The following NELL2 variants were observed in gnomAD, a reference collection of about 807,000 sequenced individuals.
The protein encoded by NELL2 is neural EGFL like 2.
In NELL2, 41 loss-of-function variants were observed where a neutral mutation model predicts 109.6. The observed-to-expected ratio is 0.37, with a 90% CI of 0.29 to 0.49. The LOEUF is 0.49. Among genes scored for constraint, NELL2 ranks in the 20% least tolerant of loss-of-function variants. NELL2 has a pLI of 0.98. For synonymous variants in NELL2, 355 were observed against 344.7 expected, an observed-to-expected ratio of 1.03 and a Z score of -0.33; for missense variants, 900 against 1,008.3, an observed-to-expected ratio of 0.89 and a Z score of 1.45.
In NELL2 at chr12:44,776,113, T is replaced by C. The variant is rs149040027; in HGVS notation, c.800A>G (p.Gln267Arg). 19 of 1,613,952 alleles carry C rather than the reference T, an allele frequency of 1.2e-5. No homozygotes were observed. Among genetic ancestry groups the C allele is most frequent in the Middle Eastern group, 1.6e-4 (1 of 6,084 alleles). The change falls in exon 8 of 20, where the codon CAG becomes CGG. Residue 267 changes from glutamine to arginine, a missense_variant. Gln to Arg is a conservative substitution (Grantham distance 43). This residue lies in a region of NELL2 where 292 missense variants were observed against 265.3 expected (regional missense o/e 1.10). Transcript: ENST00000429094. ...RAEQRMNRLD[Q>R]CYCERTCTMK... The stretch of plus-strand genomic sequence containing the variant: ...GGTGCAAGTCCTTTCACAATAGCAC[T>C]GATCCAATCTATTCATTCGCTGTTC...
intron 12 of NELL2, among the ~76,000 whole-genome samples, chr12:44,692,179 A>G (rs566726233): frequency 1.3e-5 from 2 of 152,188 alleles, no homozygotes; most frequent in Non-Finnish European, 2.9e-5. Flanking sequence ...GGTGACGTTA[A>G]GTTGAAGCCA....
chr12:44,669,092 C>T (rs1224693837), intron 12 of NELL2, among the ~76,000 whole-genome samples: 1 of 152,202 alleles, frequency 6.6e-6, no homozygotes, highest in African/African-American at 2.4e-5. Context: ...CCTCCACTAA[C>T]AATCACAGCT....
intron 15 of NELL2, among the ~76,000 whole-genome samples, chr12:44,535,304 A>G (rs1350995693): frequency 2.0e-5 from 3 of 151,988 alleles, no homozygotes; most frequent in Non-Finnish European, 4.4e-5. Flanking sequence ...TTGAAATTGT[A>G]TTTAATACTC....
intron 15 of NELL2, among the ~76,000 whole-genome samples, chr12:44,599,696 G>A (rs139784842): frequency 4.7e-4 from 71 of 152,240 alleles, no homozygotes; most frequent in African/African-American, 1.6e-3. Context: ...AACGATGAAA[G>A]CGGTTAACTC....
rs567362460 is a variant in NELL2 at position 44,557,396 on chromosome 12, T to C, written c.1664-24675A>G. 1.1e-4 allele frequency among the ~76,000 whole-genome samples: 17 copies of C among 152,130 alleles called. No individual in the cohort carries two copies. The South Asian group carries it at 2.9e-3, about 26-fold the overall frequency. On this transcript the variant is annotated intron_variant, in intron 15 of 19. Transcript: ENST00000429094. ...GGGTAGAGACGGGGCAGTAACAGGATTTGGAGGTAAAGTTGAAGGGGAGAT... is the reference window on the plus strand; with the variant it reads ...GGGTAGAGACGGGGCAGTAACAGGACTTGGAGGTAAAGTTGAAGGGGAGAT...
At chr12:44,759,303 A>G (rs779130029) in intron 9 of NELL2, among the ~76,000 whole-genome samples, 2 of 152,174 alleles carry the variant, frequency 1.3e-5, no homozygotes, top group Non-Finnish European at 2.9e-5. Flanking sequence ...CATCACCTGT[A>G]CTGGCCTTGT....
intron 16 of NELL2, among the ~76,000 whole-genome samples, chr12:44,531,167 A>G (rs1942036255): frequency 6.6e-6 from 1 of 152,210 alleles, no homozygotes; most frequent in African/African-American, 2.4e-5. Context: ...TGAGTGGAAA[A>G]GATGGGGAAA....
chr12:44,775,001 C>G, intron 8 of NELL2, 152 bp from the exon 9 acceptor site: 1 of 600,600 alleles, frequency 1.7e-6, no homozygotes. Context: ...CTGACAATCA[C>G]CACAAGGAGG....
intron 9 of NELL2, among the ~76,000 whole-genome samples, chr12:44,754,595 T>C (rs1331280877): frequency 1.3e-5 from 2 of 152,172 alleles, no homozygotes; most frequent in African/African-American, 4.8e-5. Flanking sequence ...ATGCCAGGGA[T>C]TCCTAGAAGC....
At chr12:44,709,343 A>G (rs913763202) in intron 11 of NELL2, among the ~76,000 whole-genome samples, 3 of 152,098 alleles carry the variant, frequency 2.0e-5, no homozygotes, top group African/African-American at 4.8e-5. Flanking sequence ...TGCTGGAGAG[A>G]CCATAGGAAG....
chr12:44,711,206 T>A (rs1938178596), intron 11 of NELL2, 86 bp downstream of exon 11: 2 of 967,596 alleles, frequency 2.1e-6, no homozygotes, highest in East Asian at 5.0e-5. Flanking sequence ...AATAATTTGC[T>A]TATGAGAATT....
chr12:44,734,658 G>A (rs1023032648), intron 9 of NELL2, among the ~76,000 whole-genome samples: 1 of 151,728 alleles, frequency 6.6e-6, no homozygotes, highest in African/African-American at 2.4e-5. Flanking sequence ...ATTAAGTTTA[G>A]TCAATAACTT....
chr12:44,622,322 C>T (rs985455452), intron 13 of NELL2, among the ~76,000 whole-genome samples: 1 of 152,020 alleles, frequency 6.6e-6, no homozygotes, highest in African/African-American at 2.4e-5. Context: ...GTCAGTGCTG[C>T]CCCTAAATTT....
chr12:44,916,835 G>A (rs1945832647), upstream of NELL2, among the ~76,000 whole-genome samples: 1 of 152,086 alleles, frequency 6.6e-6, no homozygotes, highest in African/African-American at 2.4e-5. Context: ...CATTCTCAAA[G>A]TCCTTCTATA....
chr12:44,678,998 T>C (rs1948409290), intron 12 of NELL2, among the ~76,000 whole-genome samples: 1 of 151,896 alleles, frequency 6.6e-6, no homozygotes, highest in South Asian at 2.1e-4. Flanking sequence ...CTAGAAGGGA[T>C]GTAGAGTTAA....
chr12:44,621,356 G>A (rs916143661), intron 13 of NELL2, among the ~76,000 whole-genome samples: 1 of 152,098 alleles, frequency 6.6e-6, no homozygotes, highest in Non-Finnish European at 1.5e-5. Context: ...TAGGTGAAAG[G>A]ACTTTGGAGT....
intron 3 of NELL2, among the ~76,000 whole-genome samples, chr12:44,801,225 A>C (rs994942990): frequency 1.3e-5 from 2 of 152,190 alleles, no homozygotes; most frequent in African/African-American, 4.8e-5. Flanking sequence ...TTACCCAATA[A>C]TGTAGACCAT....
intron 15 of NELL2, among the ~76,000 whole-genome samples, chr12:44,557,458 C>A (rs1356721671): frequency 6.6e-6 from 1 of 152,050 alleles, no homozygotes; most frequent in Non-Finnish European, 1.5e-5. Flanking sequence ...AGGAAGAACA[C>A]TGAAGAGGAC....
chr12:44,721,563 C>T (rs1211743762), intron 9 of NELL2, among the ~76,000 whole-genome samples: 1 of 152,110 alleles, frequency 6.6e-6, no homozygotes, highest in African/African-American at 2.4e-5. Flanking sequence ...TTACCACCAA[C>T]CCAGTGAATT....
Sources: allele counts gnomAD v4.1 joint callset (sites outside exome capture counted in the v4.1 genomes callset), GRCh38; gene constraint gnomAD v4.1.1; regional missense constraint gnomAD v4.1.1; transcripts MANE v1.5; gene names NCBI Gene and HGNC (gene_info 2026-07-23, HGNC 2026-07-21).